Variants in NAALAD2 observed in about 807,000 individuals in gnomAD.
NAALAD2 encodes N-acetylated alpha-linked acidic dipeptidase 2, also known as N-acetylated-alpha-linked acidic dipeptidase 2.
A neutral mutation model predicts 95.6 loss-of-function variants in NAALAD2; 89 were observed. That is an observed-to-expected ratio of 0.93 (90% confidence interval 0.78 to 1.11). The LOEUF (loss-of-function observed/expected upper bound fraction) is 1.11. Among genes scored for constraint, NAALAD2 ranks in the 50% least tolerant of loss-of-function variants. NAALAD2 has a pLI of 0.00. For missense variants in NAALAD2, 894 were observed against 872.4 expected (o/e 1.02, Z -0.31); for synonymous variants, 264 against 294.4 (o/e 0.90, Z 1.06).
chr11:90,179,512 GTAA>G (rs1457497217), intron 16 of NAALAD2, among the ~76,000 whole-genome samples: 7 of 151,806 alleles, frequency 4.6e-5, no homozygotes, highest in Non-Finnish European at 7.4e-5. Flanking sequence ...TACAGGATTA[GTAA>G]TAATAGCAAA....
chr11:90,191,657 T>C lies in NAALAD2; in HGVS notation c.2133T>C (p.Ser711=). 3 of 1,605,802 alleles carry C rather than the reference T, an allele frequency of 1.9e-6. No homozygotes were observed. Among genetic ancestry groups the C allele is most frequent in the Non-Finnish European group, 2.6e-6 (3 of 1,176,122 alleles). ...TTGATATTGAAAATAAAGCCAACTC[T>C]CGTTTGGCCTGGAAAGAAGTAAAGA... is the stretch of plus-strand genomic sequence containing the variant. ...AIFDIENKAN[S]RLAWKEVKKH... Residue 711 remains serine, a synonymous_variant, in exon 19 of 19, where the codon TCT becomes TCC. Transcript: ENST00000534061.
chr11:90,169,972 A>C, intron 12 of NAALAD2, 97 bp from the exon 13 acceptor site: 2 of 808,404 alleles, frequency 2.5e-6, no homozygotes, highest in South Asian at 2.9e-5. Flanking sequence ...GAAGATCATT[A>C]TATCTTGTTT....
Position 90,158,184 on chromosome 11 carries a change from T to A in NAALAD2, c.836T>A (p.Ile279Asn). 1.2e-6 allele frequency: 2 copies of A among 1,610,616 alleles called. No homozygotes were observed. The highest frequency in any genetic ancestry group is 1.7e-6 in the Non-Finnish European group (2 of 1,178,092). ...CTTGATGTTGAAGAAGGAGTGGGAA[T>A]CCCCCGAATACCTGTACATCCCATT... is the stretch of plus-strand genomic sequence containing the variant. Reference protein sequence around the residue: ...FRLDVEEGVGIPRIPVHPIGY... With the variant: ...FRLDVEEGVGNPRIPVHPIGY... Residue 279 changes from isoleucine to asparagine, a missense_variant, in exon 7 of 19, where the codon ATC becomes AAC. Coordinates refer to ENST00000534061, the MANE Select transcript of NAALAD2 (RefSeq NM_005467.4).
intron 2 of NAALAD2, among the ~76,000 whole-genome samples, chr11:90,136,459 A>C (rs745965107): frequency 6.6e-6 from 1 of 152,122 alleles, no homozygotes; most frequent in South Asian, 2.1e-4. Flanking sequence ...CATCTCTGTC[A>C]CTGGGCAATC....
chr11:90,151,202 T>C (rs1256171163), intron 5 of NAALAD2, among the ~76,000 whole-genome samples: 1 of 152,150 alleles, frequency 6.6e-6, no homozygotes, highest in African/African-American at 2.4e-5. Context: ...TTAACTTCTC[T>C]GTTGCAAAGT....
At position 90,145,244 on chromosome 11, in the gene NAALAD2, G is replaced by A. The variant is rs560330224; in HGVS notation, c.195-2086G>A. 5.9e-5 allele frequency among the ~76,000 whole-genome samples: 9 copies of A among 152,234 alleles called. No homozygotes were observed. The South Asian group carries it at 1.2e-3, about 21-fold the overall frequency. ...TACTGGGTGAATATGTATGCCTGGC[G>A]CTGTAATGCCCATCTTGGGACCATA... On this transcript the variant is annotated intron_variant, in intron 2 of 18. Coordinates refer to ENST00000534061, the MANE Select transcript of NAALAD2 (RefSeq NM_005467.4).
chr11:90,143,377 A>G (rs999373589), intron 2 of NAALAD2, among the ~76,000 whole-genome samples: 5 of 152,140 alleles, frequency 3.3e-5, no homozygotes, highest in African/African-American at 1.2e-4. Context: ...TGACTCCGCT[A>G]ATACACATGA....
At chr11:90,169,454 A>C (rs72956852) in intron 12 of NAALAD2, 3 of 152,966 alleles carry the variant, frequency 2.0e-5, no homozygotes, top group African/African-American at 4.9e-5. Context: ...TATTGAATCT[A>C]GCTCAGGATC....
chr11:90,186,625 G>A (rs1654668730), intron 18 of NAALAD2, among the ~76,000 whole-genome samples: 2 of 151,752 alleles, frequency 1.3e-5, no homozygotes, highest in East Asian at 3.9e-4. Context: ...CTAGCCATAT[G>A]TAGAAAGCTG....
chr11:90,168,939 A>G lies in NAALAD2; in HGVS notation c.1289A>G (p.Lys430Arg), dbSNP rs542826169. The G allele has an allele frequency of 1.1e-5, 17 of 1,608,654 alleles. No homozygotes were observed. In the East Asian group the frequency reaches 1.3e-4, roughly 13 times the overall value. Residue 430 changes from lysine (K) to arginine (R), a missense_variant, in exon 12 of 19, where the codon AAA (lysine) becomes AGA (arginine). Physicochemically the swap from Lys to Arg is conservative, Grantham distance 26. Coordinates refer to ENST00000534061, the MANE Select transcript of NAALAD2 (RefSeq NM_005467.4). Reference sequence around the variant, plus strand: ...TTGCTTCAACTACAGGAGAATGTCAAAATACTCCAGGAGAGAAGCATTGCT... The same window carrying G: ...TTGCTTCAACTACAGGAGAATGTCAGAATACTCCAGGAGAGAAGCATTGCT... ...GSTEWAEENV[K>R]ILQERSIAYI...
chr11:90,149,301 G>GA (rs913646384), intron 4 of NAALAD2, among the ~76,000 whole-genome samples, 194 bp downstream of exon 4: 2 of 152,036 alleles, frequency 1.3e-5, no homozygotes, highest in African/African-American at 2.4e-5. Context: ...GAACACCAGA[G>GA]AAAAAAGAAA....
intron 2 of NAALAD2, among the ~76,000 whole-genome samples, chr11:90,146,719 T>G (rs1951759254): frequency 6.6e-6 from 1 of 152,146 alleles, no homozygotes; most frequent in Non-Finnish European, 1.5e-5. Context: ...CTAAGAACTA[T>G]GTTTGTGGGG....
chr11:90,177,845 T>C lies in NAALAD2; in HGVS notation c.1594-8T>C. 3 of 1,593,600 alleles carry C rather than the reference T, an allele frequency of 1.9e-6. No homozygotes were observed. The highest frequency in any genetic ancestry group is 2.6e-6 in the Non-Finnish European group (3 of 1,173,258). Reference sequence around the variant, plus strand: ...TTATTTATACTTGCCTCTCCATTTTTTTTTCAGAAAACAGATAAGTACAGC... The same window carrying C: ...TTATTTATACTTGCCTCTCCATTTTCTTTTCAGAAAACAGATAAGTACAGC... On this transcript the variant is annotated splice_polypyrimidine_tract_variant and splice_region_variant and intron_variant, in intron 15 of 18. Coordinates refer to ENST00000534061, the MANE Select transcript of NAALAD2 (RefSeq NM_005467.4).
chr11:90,159,991 G>GCACT (rs1555120542), intron 8 of NAALAD2, among the ~76,000 whole-genome samples: 1 of 150,566 alleles, frequency 6.6e-6, no homozygotes, highest in Non-Finnish European at 1.5e-5. Flanking sequence ...GTGAAGTTAA[G>GCACT]GGAGAGGTAA....
At chr11:90,155,192 ATG>A (rs1952025524) in intron 6 of NAALAD2, among the ~76,000 whole-genome samples, 2 of 124,698 alleles carry the variant, frequency 1.6e-5, no homozygotes, top group South Asian at 4.7e-4. Flanking sequence ...ATATGTATAT[ATG>A]TGTGTATATA....
At chr11:90,157,340 C>T (rs1180695765) in intron 6 of NAALAD2, among the ~76,000 whole-genome samples, 1 of 152,182 alleles carries the variant, frequency 6.6e-6, no homozygotes, top group Admixed American at 6.5e-5. Context: ...CCCTTTAACT[C>T]TATCTTGGCT....
At chr11:90,181,735 A>G in intron 17 of NAALAD2, 34 bp downstream of exon 17, 1 of 1,317,108 alleles carries the variant, frequency 7.6e-7, no homozygotes, top group South Asian at 1.3e-5. Flanking sequence ...TTAAAAAAAA[A>G]AAAAAAAGCA....
At chr11:90,175,413 A>G (rs546938477) in intron 14 of NAALAD2, among the ~76,000 whole-genome samples, 3 of 152,296 alleles carry the variant, frequency 2.0e-5, no homozygotes, top group Non-Finnish European at 2.9e-5. Flanking sequence ...AAAAATTTTC[A>G]TGTCTTACAT....
chr11:90,140,286 T>C (rs1469087143), intron 2 of NAALAD2, among the ~76,000 whole-genome samples: 1 of 152,192 alleles, frequency 6.6e-6, no homozygotes, highest in Non-Finnish European at 1.5e-5. Context: ...TGTATCTTTA[T>C]GTTTGTTTAC....
Sources: gnomAD v4.1 joint callset for allele counts (sites outside exome capture counted in the v4.1 genomes callset) on GRCh38, gnomAD v4.1.1 for gene constraint, MANE v1.5 for transcripts, NCBI Gene and HGNC (gene_info 2026-07-23, HGNC 2026-07-21) for gene names.